Variants in PPP2R3B observed in about 807,000 individuals in gnomAD.
PPP2R3B encodes the protein protein phosphatase 2 regulatory subunit B''beta, also known as serine/threonine-protein phosphatase 2A regulatory subunit B'' subunit beta.
PPP2R3B carries 68 observed loss-of-function variants against 72.9 expected under a neutral mutation model. The observed-to-expected ratio is 0.93, with a 90% CI of 0.77 to 1.14. The LOEUF (loss-of-function observed/expected upper bound fraction) is 1.14. Among genes scored for constraint, PPP2R3B ranks in the 50% most tolerant of loss-of-function variants. The pLI is 0.00. For synonymous variants in PPP2R3B, 466 were observed against 375.8 expected, an observed-to-expected ratio of 1.24 and a Z score of -2.78; for missense variants, 1,018 against 842.0, an observed-to-expected ratio of 1.21 and a Z score of -2.59.
chrX:381,484 A>T (rs941698669), intron 1 of PPP2R3B, among the ~76,000 whole-genome samples: 2 of 150,606 alleles, frequency 1.3e-5, no homozygotes, highest in Non-Finnish European at 2.9e-5. Flanking sequence ...TCTTCCTCTG[A>T]CCCCAGCATC....
At chrX:373,798 CG>C (rs2071925691) in intron 1 of PPP2R3B, 1 of 151,116 alleles carries the variant, frequency 6.6e-6, no homozygotes, top group East Asian at 1.9e-4. Context: ...GCTCTGGGGC[CG>C]GGGCCCGCGC....
intron 1 of PPP2R3B, among the ~76,000 whole-genome samples, chrX:384,456 GGCT>G (rs2072201260): frequency 6.6e-6 from 1 of 151,730 alleles, no homozygotes; most frequent in Non-Finnish European, 1.5e-5. Flanking sequence ...CACCACGCCT[GGCT>G]AATTTGTGTA....
rs187312451 is a variant in PPP2R3B, at chrX:349,438, C to T, written c.511-1745G>A. 5.9e-5 allele frequency among the ~76,000 whole-genome samples: 9 copies of T among 152,300 alleles called. 1 individual carries two copies. The highest frequency in any genetic ancestry group is 4.6e-4 in the Admixed American group (7 of 15,298). ...CGAAACACCCCAGCTGCTCAGACAG[C>T]GATGACACATGAACACTTCTTCCCT... On this transcript the variant is annotated intron_variant, in intron 2 of 12. Transcript: ENST00000390665.
In PPP2R3B at chrX:334,066, G is replaced by A. The variant is rs1386019932; in HGVS notation, c.*301C>T. 8.0e-5 allele frequency: 25 copies of A among 311,632 alleles called. No individual in the cohort carries two copies. The highest frequency in any genetic ancestry group is 1.5e-4 in the Admixed American group (3 of 19,546). The allele number at this position is 311,632 out of a possible 1,614,324, so 19.3% of individuals were successfully genotyped here. A position where few individuals can be genotyped will look rare whatever the true frequency, so the allele number is the denominator to read the frequency against. ...CCGCCGGTCACCGTTGTGCGCACAC[G>A]GACCCTTTCCACAGACGCAGGCCCC... On this transcript the variant is annotated 3_prime_UTR_variant, in exon 13 of 13. Transcript: ENST00000390665.
Position 334,556 on chromosome X carries a change from G to A in PPP2R3B, c.1578-39C>T, listed in dbSNP as rs189168972. The A allele has an allele frequency of 5.4e-3, 7,890 of 1,457,734 alleles. 37 individuals are homozygous for A. Among genetic ancestry groups the A allele is most frequent in the South Asian group, 0.011 (788 of 72,328 alleles). The allele number at this position is 1,457,734 out of a possible 1,614,324, so 90.3% of individuals were successfully genotyped here. A position where few individuals can be genotyped will look rare whatever the true frequency, so the allele number is the denominator to read the frequency against. On this transcript the variant is annotated intron_variant, in intron 12 of 12. Transcript: ENST00000390665. Reference sequence around the variant, plus strand: ...ATGGCGAAGACGTGGCCAGCAGCGCGGAGCAGGCCCTGGGCCGTTTTCCGG... The same window carrying A: ...ATGGCGAAGACGTGGCCAGCAGCGCAGAGCAGGCCCTGGGCCGTTTTCCGG...
chrX:361,827 C>T (rs745788541), intron 1 of PPP2R3B, among the ~76,000 whole-genome samples: 15 of 152,276 alleles, frequency 9.9e-5, no homozygotes, highest in East Asian at 1.9e-4. Flanking sequence ...GGCGGCTCTG[C>T]GCCACTGAGC....
At chrX:383,265 C>A (rs1043497603) in intron 1 of PPP2R3B, among the ~76,000 whole-genome samples, 4 of 152,164 alleles carry the variant, frequency 2.6e-5, no homozygotes, top group African/African-American at 7.2e-5. Flanking sequence ...TCTCACTCAG[C>A]AAGTAGAGAG....
chrX:362,736 A>G (rs982010402), intron 1 of PPP2R3B, among the ~76,000 whole-genome samples: 2 of 152,072 alleles, frequency 1.3e-5, no homozygotes, highest in African/African-American at 2.4e-5. Flanking sequence ...GCCTGGATCA[A>G]TCCAGGACTG....
At chrX:347,730 G>T (rs1019987525) in intron 2 of PPP2R3B, 37 bp from the exon 3 acceptor site, 3 of 1,448,996 alleles carry the variant, frequency 2.1e-6, no homozygotes, top group Non-Finnish European at 1.8e-6. Context: ...AGTCAGCAGG[G>T]CCTGGACGCC....
At chrX:349,371 G>A (rs1447890644) in intron 2 of PPP2R3B, among the ~76,000 whole-genome samples, 3 of 152,062 alleles carry the variant, frequency 2.0e-5, no homozygotes, top group African/African-American at 7.2e-5. Context: ...GGGCTATGGT[G>A]TTTCTTGACA....
At chrX:336,921 T>C (rs941224341) in intron 12 of PPP2R3B, 14 of 152,226 alleles carry the variant, frequency 9.2e-5, no homozygotes, top group African/African-American at 2.2e-4. Context: ...CAGGGATCCA[T>C]TCACTCAGCG....
Position 346,206 on chromosome X carries a change from A to G in PPP2R3B, c.847T>C (p.Cys283Arg), listed in dbSNP as rs768414622. The G allele has an allele frequency of 5.1e-6, 8 of 1,569,156 alleles. No individual in the cohort carries two copies. Among genetic ancestry groups the G allele is most frequent in the Non-Finnish European group, 6.0e-6 (7 of 1,159,208 alleles). ...VNRSWSGRITCAELRRSSFLQ... is the reference protein window; with the variant it reads ...VNRSWSGRITRAELRRSSFLQ... Reference sequence around the variant, plus strand: ...AAGGAGCTCCTCCGCAGCTCGGCGCAGGTGATCCTGCCGGACCAGGACCGG... The same window carrying G: ...AAGGAGCTCCTCCGCAGCTCGGCGCGGGTGATCCTGCCGGACCAGGACCGG... The change falls in exon 6 of 13, where the codon TGC (cysteine) becomes CGC (arginine). Residue 283 changes from cysteine to arginine, a missense_variant. Physicochemically the swap from Cys to Arg is radical, Grantham distance 180. Coordinates refer to ENST00000390665, the MANE Select transcript of PPP2R3B (RefSeq NM_013239.5).
intron 1 of PPP2R3B, among the ~76,000 whole-genome samples, chrX:385,320 C>CTTTTTTTTTTTTTTTTTTTTTTTTTT (rs1178231888): frequency 1.3e-5 from 1 of 75,604 alleles, no homozygotes; most frequent in African/African-American, 5.1e-5. Context: ...TTTTAGTTTT[C>CTTTTTTTTTTTTTTTTTTTTTTTTTT]TTTTTTTTTT....
intron 12 of PPP2R3B, chrX:335,235 G>T (rs1467116066): frequency 6.6e-6 from 1 of 152,422 alleles, no homozygotes; most frequent in Non-Finnish European, 1.5e-5. Flanking sequence ...GGGCAGCCGT[G>T]GGGGTGGACA....
rs143125658 is a variant in PPP2R3B, at chrX:338,814, G to A, written c.1434C>T (p.Leu478=). The A allele has an allele frequency of 5.7e-5, 92 of 1,612,446 alleles. No individual in the cohort carries two copies. Among genetic ancestry groups the A allele is most frequent in the East Asian group, 1.6e-4 (7 of 44,878 alleles). ...AGATCTGCTCTTTCTGCTCGTGGTC[G>A]AGGTACTTCTCGATGTTGAAGAAGG... ...FDTFFNIEKY[L]DHEQKEQISL... The change falls in exon 11 of 13, where the codon CTC becomes CTT. Residue 478 remains leucine (L), a synonymous_variant. Coordinates refer to ENST00000390665, the MANE Select transcript of PPP2R3B (RefSeq NM_013239.5).
chrX:360,263 G>A (rs190332010), intron 2 of PPP2R3B, among the ~76,000 whole-genome samples: 34 of 152,368 alleles, frequency 2.2e-4, no homozygotes, highest in African/African-American at 8.2e-4. Context: ...GCCAGGTGCA[G>A]TGGCTCATGC....
chrX:355,100 C>T (rs1269532825), intron 2 of PPP2R3B, among the ~76,000 whole-genome samples: 3 of 149,830 alleles, frequency 2.0e-5, no homozygotes, highest in Admixed American at 6.7e-5. Flanking sequence ...ATGACCTGAC[C>T]GTGCGTTAGA....
Position 345,502 on chromosome X carries a change from G to C in PPP2R3B, c.1036+14C>G. On this transcript the variant is annotated intron_variant, in intron 7 of 12. Coordinates refer to ENST00000390665, the MANE Select transcript of PPP2R3B (RefSeq NM_013239.5). The stretch of plus-strand genomic sequence containing the variant: ...GTGTCCGCGCGGCCCGCCCGCCCCT[G>C]TGCCCCCACGCACCGTGGTCATTGT... The C allele has an allele frequency of 1.9e-6, 3 of 1,612,384 alleles. No homozygotes were observed. Among genetic ancestry groups the C allele is most frequent in the Non-Finnish European group, 2.5e-6 (3 of 1,179,406 alleles).
chrX:355,943 C>G (rs192813949), intron 2 of PPP2R3B, among the ~76,000 whole-genome samples: 6 of 152,230 alleles, frequency 3.9e-5, no homozygotes, highest in African/African-American at 7.2e-5. Flanking sequence ...CGTCAAAGCT[C>G]ATTGAATTGT....
Sources: allele counts gnomAD v4.1 joint callset (sites outside exome capture counted in the v4.1 genomes callset), GRCh38; gene constraint gnomAD v4.1.1; transcripts MANE v1.5; gene names NCBI Gene and HGNC (gene_info 2026-07-23, HGNC 2026-07-21).